Variants in FAM86B1 observed in about 807,000 individuals in gnomAD.
FAM86B1 encodes the protein putative protein N-methyltransferase FAM86B1.
For synonymous variants in FAM86B1, 4 were observed against 137.6 expected (o/e 0.03, Z 6.79); for missense variants, 13 against 328.1 (o/e 0.04, Z 7.42).
chr8:12,193,221 A>G (rs1807224776), intron 1 of FAM86B1, among the ~76,000 whole-genome samples: 1 of 145,708 alleles, frequency 6.9e-6, no homozygotes, highest in African/African-American at 2.8e-5. Context: ...TCTCCTGACC[A>G]GAAATGATCT....
Position 12,182,478 on chromosome 8 carries a change from G to C in FAM86B1, c.*1128C>G. ...CTCAAGTCCAAGTGAGGGAGTTAGG[G>C]ACTTGGGAGGGGTTGTTGTTGGGTC... On this transcript the variant is annotated 3_prime_UTR_variant, in exon 7 of 7. Coordinates refer to ENST00000448228, the MANE Select transcript of FAM86B1 (RefSeq NM_001083537.4). The C allele has an allele frequency of 1.5e-6, 2 of 1,315,754 alleles. No individual in the cohort carries two copies. The highest frequency in any genetic ancestry group is 1.3e-5 in the South Asian group (1 of 76,928). 81.5% of individuals were successfully genotyped at this position (1,315,754 alleles called of 1,614,324 possible).
At chr8:12,194,109 A>AGG, upstream of FAM86B1, 18 of 1,405,976 alleles carry the variant, frequency 1.3e-5, no homozygotes, top group Non-Finnish European at 1.6e-5. Flanking sequence ...GGAGACCTGG[A>AGG]GGAAGCCGGG....
chr8:12,186,196 G>A (rs1805782889), intron 5 of FAM86B1, 156 bp downstream of exon 5: 2 of 690,364 alleles, frequency 2.9e-6, no homozygotes, highest in East Asian at 3.6e-5. Context: ...AGGCACCCCT[G>A]TCCTTTGATG....
intron 6 of FAM86B1, among the ~76,000 whole-genome samples, chr8:12,184,155 T>G (rs1158249716): frequency 4.2e-5 from 2 of 48,186 alleles, no homozygotes; most frequent in Non-Finnish European, 7.0e-5. Flanking sequence ...TTGCAGGTTT[T>G]TTTTCACGTA....
At chr8:12,189,256 ATAT>A (rs1197820872) in intron 3 of FAM86B1, among the ~76,000 whole-genome samples, 9 of 110,030 alleles carry the variant, frequency 8.2e-5, no homozygotes, top group African/African-American at 3.6e-4. Flanking sequence ...CAAAAAAAAT[ATAT>A]AAATAAATAA....
chr8:12,193,359 T>G (rs1171507733), intron 1 of FAM86B1, among the ~76,000 whole-genome samples: 3 of 143,190 alleles, frequency 2.1e-5, no homozygotes, highest in Admixed American at 1.3e-4. Flanking sequence ...TGCACATGAA[T>G]TACAAATGGA....
At position 12,182,216 on chromosome 8, in the gene FAM86B1, A is replaced by C. The variant is rs1381878734; in HGVS notation, c.*1390T>G. ...CAGACAGTTTAGCAAGGCTGAAAAGAACACCCACACCCCCTTGTTACCCAC... is the reference window on the plus strand; with the variant it reads ...CAGACAGTTTAGCAAGGCTGAAAAGCACACCCACACCCCCTTGTTACCCAC... On this transcript the variant is annotated 3_prime_UTR_variant, in exon 7 of 7. Transcript: ENST00000448228. 2 of 202,224 alleles carry C rather than the reference A, an allele frequency of 9.9e-6. No individual in the cohort carries two copies. Among genetic ancestry groups the C allele is most frequent in the African/African-American group, 5.6e-5 (2 of 35,726 alleles). 12.5% of individuals were successfully genotyped at this position (202,224 alleles called of 1,614,324 possible). A position where few individuals can be genotyped will look rare whatever the true frequency, so the allele number is the denominator to read the frequency against.
rs1245893295 is a variant in FAM86B1, at chr8:12,183,404, AC to A, written c.*201del. ...CTGATTTATGATGATTTTCTTGAGAACCAGAACTGCTGGCAGAAAGGGGGCA... is the reference window on the plus strand; with the variant it reads ...CTGATTTATGATGATTTTCTTGAGAACAGAACTGCTGGCAGAAAGGGGGCA... On this transcript the variant is annotated 3_prime_UTR_variant, in exon 7 of 7. Transcript: ENST00000448228. 3.3e-4 allele frequency: 132 copies of A among 403,388 alleles called. No homozygotes were observed. Among genetic ancestry groups the A allele is most frequent in the Non-Finnish European group, 4.7e-4 (103 of 218,792 alleles). 25.0% of individuals were successfully genotyped at this position (403,388 alleles called of 1,614,324 possible).
intron 1 of FAM86B1, among the ~76,000 whole-genome samples, chr8:12,193,206 A>G (rs797003053): frequency 0.047 from 6,654 of 141,192 alleles, 129 homozygotes; most frequent in Middle Eastern, 0.12. Flanking sequence ...AAAAATGCAC[A>G]CATTTCTCCT....
rs1262506611 is a variant in FAM86B1, at chr8:12,184,183, T to G, written c.791-477A>C. Among the ~76,000 whole-genome samples the G allele has an allele frequency of 1.5e-3, 39 of 25,536 alleles. 2 individuals are homozygous for G. The East Asian group carries it at 0.016, about 11-fold the overall frequency. 16.8% of individuals were successfully genotyped at this position (25,536 alleles called of 152,430 possible). Reference sequence around the variant, plus strand: ...TTCACGTAAGTATCTGAAGAAAGACTTCCTTTTTTTTTTTTTTTTTTTTTT... The same window carrying G: ...TTCACGTAAGTATCTGAAGAAAGACGTCCTTTTTTTTTTTTTTTTTTTTTT... On this transcript the variant is annotated intron_variant, in intron 6 of 6. Transcript: ENST00000448228.
intron 1 of FAM86B1, among the ~76,000 whole-genome samples, chr8:12,192,967 G>A (rs1208275355): frequency 6.9e-6 from 1 of 144,750 alleles, no homozygotes; most frequent in Admixed American, 6.7e-5. Context: ...ACAGGGCCAG[G>A]GGTTGGGCCA....
In FAM86B1 at chr8:12,182,175, T is replaced by C. The variant is rs1805014406; in HGVS notation, c.*1431A>G. 6.0e-6 allele frequency: 1 copy of C among 166,500 alleles called. No individual in the cohort carries two copies. Among genetic ancestry groups the C allele is most frequent in the Admixed American group, 6.5e-5 (1 of 15,438 alleles). The allele number at this position is 166,500 out of a possible 1,614,324, so 10.3% of individuals were successfully genotyped here. On this transcript the variant is annotated 3_prime_UTR_variant, in exon 7 of 7. Coordinates refer to ENST00000448228, the MANE Select transcript of FAM86B1 (RefSeq NM_001083537.4). ...GCTGGATTTGGCCTGCAGGCTGTAG[T>C]TTGTGATCCTTGATTCAGACAGTTT... is the stretch of plus-strand genomic sequence containing the variant.
At chr8:12,190,733 C>T (rs914678649) in intron 2 of FAM86B1, among the ~76,000 whole-genome samples, 5 of 99,218 alleles carry the variant, frequency 5.0e-5, no homozygotes, top group Admixed American at 4.5e-4. Flanking sequence ...TATAGGCGTG[C>T]ACCACCACAC....
At chr8:12,190,638 G>T (rs1167747929) in intron 2 of FAM86B1, among the ~76,000 whole-genome samples, 1 of 57,870 alleles carries the variant, frequency 1.7e-5, no homozygotes, top group Non-Finnish European at 3.0e-5. Flanking sequence ...AGGCTGGAGT[G>T]CAGTGGCCCG....
intron 3 of FAM86B1, among the ~76,000 whole-genome samples, chr8:12,189,294 ATAAATAAG>A (rs200714372): frequency 0.12 from 7,446 of 61,360 alleles, 31 homozygotes; most frequent in East Asian, 0.22. Context: ...AAATAAATAA[ATAAATAAG>A]TAAAAAATAA....
chr8:12,192,781 G>A (rs1429674424), intron 1 of FAM86B1, among the ~76,000 whole-genome samples: 1 of 149,548 alleles, frequency 6.7e-6, no homozygotes, highest in Non-Finnish European at 1.5e-5. Flanking sequence ...AACATTTTGA[G>A]ACTGAAGAAA....
At chr8:12,190,793 G>T (rs977491235) in intron 2 of FAM86B1, among the ~76,000 whole-genome samples, 2 of 109,874 alleles carry the variant, frequency 1.8e-5, no homozygotes, top group Non-Finnish European at 3.6e-5. Flanking sequence ...TGCCATGTTG[G>T]CTAGGCTGGT....
In FAM86B1 at chr8:12,182,776, G is replaced by A. The variant is rs1273488306; in HGVS notation, c.*830C>T. On this transcript the variant is annotated 3_prime_UTR_variant, in exon 7 of 7. Transcript: ENST00000448228. The stretch of plus-strand genomic sequence containing the variant: ...CCTGCTGTCCTTCCCGCAGCTTCTT[G>A]GAGTCTCAGGGCAAAGCCTTTCGAG... 6 of 1,583,842 alleles carry A rather than the reference G, an allele frequency of 3.8e-6. No homozygotes were observed. The Admixed American group carries it at 6.7e-5, about 18-fold the overall frequency.
rs1805055509 is a variant in FAM86B1 at position 12,182,404 on chromosome 8, G to C, written c.*1202C>G. ...GATGTCAAGTTGGAAGTGGAGCGCT[G>C]CTGGGTTGTGAAGGGTCTCAAGTCC... On this transcript the variant is annotated 3_prime_UTR_variant, in exon 7 of 7. Coordinates refer to ENST00000448228, the MANE Select transcript of FAM86B1 (RefSeq NM_001083537.4). 7 of 733,766 alleles carry C rather than the reference G, an allele frequency of 9.5e-6. No homozygotes were observed. Among genetic ancestry groups the C allele is most frequent in the Non-Finnish European group, 1.5e-5 (7 of 462,322 alleles). The allele number at this position is 733,766 out of a possible 1,614,324, so 45.5% of individuals were successfully genotyped here. A position where few individuals can be genotyped will look rare whatever the true frequency, so the allele number is the denominator to read the frequency against.
Sources: gnomAD v4.1 joint callset for allele counts (sites outside exome capture counted in the v4.1 genomes callset) on GRCh38, gnomAD v4.1.1 for gene constraint, MANE v1.5 for transcripts, NCBI Gene and HGNC (gene_info 2026-07-23, HGNC 2026-07-21) for gene names.